Variants in NLRC5 observed in about 807,000 individuals in gnomAD.
NLRC5 encodes the protein protein NLRC5.
NLRC5 carries 114 observed loss-of-function variants against 206.9 expected under a neutral mutation model. The observed-to-expected ratio is 0.55, with a 90% CI of 0.47 to 0.64. The LOEUF is 0.64. Among genes scored for constraint, NLRC5 ranks in the 30% least tolerant of loss-of-function variants. The pLI, the probability that NLRC5 is intolerant of heterozygous loss-of-function variation, is 0.00. For missense variants in NLRC5, 2,008 were observed against 2,305.5 expected (o/e 0.87, Z 2.64); for synonymous variants, 952 against 962.8 (o/e 0.99, Z 0.21).
intron 38 of NLRC5, among the ~76,000 whole-genome samples, chr16:57,072,362 A>G (rs570649734): frequency 6.6e-6 from 1 of 152,308 alleles, no homozygotes; most frequent in Non-Finnish European, 1.5e-5. Context: ...GGCTGTGAGC[A>G]CAAAATATTC....
At chr16:57,076,779 A>G (rs1347598126) in intron 39 of NLRC5, 40 bp from the exon 40 acceptor site, 16 of 1,590,626 alleles carry the variant, frequency 1.0e-5, no homozygotes, top group Non-Finnish European at 1.4e-5. Context: ...AAGGCCTTTA[A>G]GCTCCTGAAA....
intron 1 of NLRC5, among the ~76,000 whole-genome samples, chr16:57,014,459 C>T (rs563911980): frequency 2.6e-5 from 4 of 152,270 alleles, no homozygotes; most frequent in African/African-American, 9.6e-5. Context: ...TGCCTTTATT[C>T]GTTTCTTTAT....
intron 23 of NLRC5, 38 bp from the exon 24 acceptor site, chr16:57,051,500 A>G: frequency 6.6e-7 from 1 of 1,505,546 alleles, no homozygotes; most frequent in Non-Finnish European, 9.2e-7. Flanking sequence ...CTTTCCTGGA[A>G]GGTTTCCCCC....
At chr16:57,063,745 C>CT (rs746703214) in intron 32 of NLRC5, among the ~76,000 whole-genome samples, 52 of 147,298 alleles carry the variant, frequency 3.5e-4, no homozygotes, top group South Asian at 8.7e-4. Context: ...CCCAAAATAA[C>CT]TTTTTTTTTT....
chr16:57,080,968 C>A, intron 46 of NLRC5, 130 bp from the exon 47 acceptor site: 1 of 711,416 alleles, frequency 1.4e-6, no homozygotes, highest in Non-Finnish European at 2.4e-6. Flanking sequence ...CACAAGCACC[C>A]TATCAGGTGG....
Position 57,082,529 on chromosome 16 carries a change from T to A in NLRC5, c.*1T>A, listed in dbSNP as rs759722844. On this transcript the variant is annotated 3_prime_UTR_variant, in exon 49 of 49. Coordinates refer to ENST00000688547, the MANE Select transcript of NLRC5 (RefSeq NM_001384950.1). ...GCCCCAGGCCCCTTGGGGTACTTGA[T>A]GGCCCCCTCAAGACCTTTGGAATCC... is the stretch of plus-strand genomic sequence containing the variant. The A allele has an allele frequency of 6.2e-7, 1 of 1,608,220 alleles. No homozygotes were observed. The highest frequency in any genetic ancestry group is 2.2e-5 in the East Asian group (1 of 44,834).
Position 57,054,823 on chromosome 16 carries a change from TA to T in NLRC5, c.3584del (p.Lys1195ArgfsTer38). 6.2e-7 allele frequency: 1 copy of T among 1,614,146 alleles called. No homozygotes were observed. The highest frequency in any genetic ancestry group is 8.5e-7 in the Non-Finnish European group (1 of 1,180,004). ...ACACCTTAAGCCTGTGTCCACGGGT[TA>T]AAAAGGTGGATCTCAGGTGGGCATT... ...ANTLSLCPRV[K>X]KVDLRSLHHA... is the part of the protein sequence containing the mutation. On this transcript the variant is annotated frameshift_variant, in exon 25 of 49. Transcript: ENST00000688547. LOFTEE classifies it high-confidence loss of function.
intron 45 of NLRC5, 70 bp downstream of exon 45, chr16:57,079,362 T>C: frequency 6.4e-7 from 1 of 1,554,340 alleles, no homozygotes; most frequent in Non-Finnish European, 8.9e-7. Flanking sequence ...TGACTGAGCC[T>C]AACACCTGGG....
chr16:57,001,181 C>T, intron 1 of NLRC5, among the ~76,000 whole-genome samples: 1 of 152,184 alleles, frequency 6.6e-6, no homozygotes, highest in East Asian at 1.9e-4. Flanking sequence ...GCCTCAGGTC[C>T]TCCCCCAGGG....
Position 57,082,990 on chromosome 16 carries a change from G to A in NLRC5, c.*462G>A, listed in dbSNP as rs1381817739. ...ACTCATGGCTGGCCAGATGACCTCA[G>A]GCTGGCCCAAGATCTAATTTATTAA... is the stretch of plus-strand genomic sequence containing the variant. On this transcript the variant is annotated 3_prime_UTR_variant, in exon 49 of 49. Transcript: ENST00000688547. 1 of 154,032 alleles carries A rather than the reference G, an allele frequency of 6.5e-6. No individual in the cohort carries two copies. The highest frequency in any genetic ancestry group is 6.5e-5 in the Admixed American group (1 of 15,322). 9.5% of individuals were successfully genotyped at this position (154,032 alleles called of 1,614,324 possible).
chr16:57,046,778 G>T, intron 22 of NLRC5, 137 bp downstream of exon 22: 1 of 723,844 alleles, frequency 1.4e-6, no homozygotes, highest in Non-Finnish European at 2.2e-6. Flanking sequence ...GGAAAAGAAA[G>T]AGGCGTGGGT....
chr16:57,042,924 G>T (rs1393472102), intron 19 of NLRC5, among the ~76,000 whole-genome samples: 2 of 152,200 alleles, frequency 1.3e-5, no homozygotes, highest in African/African-American at 4.8e-5. Flanking sequence ...AGGAAGGAAG[G>T]TCTAACCATT....
At chr16:57,043,438 C>A (rs747446503) in intron 19 of NLRC5, 77 bp from the exon 20 acceptor site, 2 of 1,113,872 alleles carry the variant, frequency 1.8e-6, no homozygotes, top group Non-Finnish European at 2.8e-6. Flanking sequence ...ATCCCTCCCC[C>A]GCCCTGTGCC....
At chr16:57,030,437 A>AGG (rs1367170997) in intron 10 of NLRC5, among the ~76,000 whole-genome samples, 5 of 14,708 alleles carry the variant, frequency 3.4e-4, no homozygotes, top group Admixed American at 7.6e-4. Context: ...GGTGGATGAA[A>AGG]AGATGGATGG....
chr16:57,035,858 G>A (rs1022512515), intron 13 of NLRC5, among the ~76,000 whole-genome samples: 2 of 152,226 alleles, frequency 1.3e-5, no homozygotes, highest in Admixed American at 1.3e-4. Flanking sequence ...TTACTCATCA[G>A]TAAGGTGAGG....
At chr16:57,002,676 C>T (rs2058419031) in intron 1 of NLRC5, among the ~76,000 whole-genome samples, 1 of 126,892 alleles carries the variant, frequency 7.9e-6, no homozygotes, top group South Asian at 2.7e-4. Context: ...CAGAGTCTCA[C>T]TCTGTCTCAA....
At chr16:57,028,458 C>T in intron 8 of NLRC5, 73 bp downstream of exon 8, 1 of 1,154,654 alleles carries the variant, frequency 8.7e-7, no homozygotes, top group African/African-American at 1.5e-5. Context: ...CCCCCTGGGG[C>T]CTGCATGTTC....
chr16:57,001,187 C>T (rs1018994620), intron 1 of NLRC5, among the ~76,000 whole-genome samples: 3 of 152,306 alleles, frequency 2.0e-5, no homozygotes, highest in East Asian at 3.9e-4. Flanking sequence ...GGTCCTCCCC[C>T]AGGGTCCCCA....
Position 57,069,841 on chromosome 16 carries a change from C to T in NLRC5, c.4505C>T (p.Thr1502Ile), listed in dbSNP as rs372688437. 5 of 1,603,394 alleles carry T rather than the reference C, an allele frequency of 3.1e-6. No homozygotes were observed. The highest frequency in any genetic ancestry group is 1.7e-5 in the Admixed American group (1 of 58,818). Residue 1502 changes from threonine (T) to isoleucine (I), a missense_variant, in exon 37 of 49, where the codon ACC (threonine) becomes ATC (isoleucine). By Grantham distance (89) the Thr-to-Ile change is moderately conservative (BLOSUM62 -1). Coordinates refer to ENST00000688547, the MANE Select transcript of NLRC5 (RefSeq NM_001384950.1). ...TGCCCTTTGACCCCCACCAGGCTGA[C>T]CTCCAGCTGTGTGAGCACCGAGGGC... ...SLSELKTFRL[T>I]SSCVSTEGLA... is the part of the protein sequence containing the mutation.
Sources: allele counts gnomAD v4.1 joint callset (sites outside exome capture counted in the v4.1 genomes callset), GRCh38; gene constraint gnomAD v4.1.1; transcripts MANE v1.5; gene names NCBI Gene and HGNC (gene_info 2026-07-23, HGNC 2026-07-21).